GRM3: variants seen among roughly 807,000 people sequenced by gnomAD.
GRM3 encodes the protein glutamate metabotropic receptor 3, also known as metabotropic glutamate receptor 3.
In GRM3, 26 loss-of-function variants were observed where a neutral mutation model predicts 70.5. The observed-to-expected ratio is 0.37, with a 90% CI of 0.27 to 0.51. GRM3 has a LOEUF of 0.51. Among genes scored for constraint, GRM3 ranks in the 20% least tolerant of loss-of-function variants. GRM3 has a pLI of 0.93. For synonymous variants in GRM3, 443 were observed against 434.9 expected (o/e 1.02, Z -0.23); for missense variants, 859 against 1,123.8 (o/e 0.76, Z 3.37).
intron 1 of GRM3, among the ~76,000 whole-genome samples, chr7:86,685,964 A>C (rs1794556901): frequency 6.6e-6 from 1 of 152,036 alleles, no homozygotes; most frequent in African/African-American, 2.4e-5. Context: ...TGGGAATTTA[A>C]TGAGATAATA....
chr7:86,857,253 G>T (rs1165394781), intron 5 of GRM3, among the ~76,000 whole-genome samples: 1 of 151,840 alleles, frequency 6.6e-6, no homozygotes, highest in African/African-American at 2.4e-5. Flanking sequence ...GTCCCATAAT[G>T]ACACTACGTA....
chr7:86,806,302 T>A (rs1455397101), intron 3 of GRM3, among the ~76,000 whole-genome samples: 1 of 152,192 alleles, frequency 6.6e-6, no homozygotes, highest in Non-Finnish European at 1.5e-5. Context: ...TTTCTAGTTC[T>A]AGATCCCTGA....
intron 1 of GRM3, among the ~76,000 whole-genome samples, chr7:86,659,531 C>T (rs1475381562): frequency 6.6e-6 from 1 of 152,074 alleles, no homozygotes; most frequent in Non-Finnish European, 1.5e-5. Context: ...TATATTGCTT[C>T]TCTCAGGAAA....
intron 2 of GRM3, among the ~76,000 whole-genome samples, chr7:86,767,647 C>T (rs1466575746): frequency 2.0e-5 from 3 of 149,840 alleles, no homozygotes; most frequent in Non-Finnish European, 4.4e-5. Context: ...AGTCATTTCA[C>T]GAATTTATAT....
chr7:86,710,163 A>C (rs987328587), intron 1 of GRM3: 4 of 152,104 alleles, frequency 2.6e-5, no homozygotes, highest in African/African-American at 9.7e-5. Flanking sequence ...CTATTGTCTT[A>C]TCTTTTCATT....
At chr7:86,775,857 C>T (rs1479547098) in intron 2 of GRM3, 3 of 152,060 alleles carry the variant, frequency 2.0e-5, no homozygotes, top group African/African-American at 7.2e-5. Flanking sequence ...CTATATGTTA[C>T]CTCTATATGG....
chr7:86,684,552 A>G (rs2237544), intron 1 of GRM3, among the ~76,000 whole-genome samples: 44,644 of 152,064 alleles, frequency 0.29, 8,519 homozygotes, highest in East Asian at 0.72. Flanking sequence ...GTAATCTTCC[A>G]TATCCTTAAT....
intron 1 of GRM3, among the ~76,000 whole-genome samples, chr7:86,718,899 T>C (rs1229348865): frequency 6.6e-6 from 1 of 151,952 alleles, no homozygotes; most frequent in Non-Finnish European, 1.5e-5. Context: ...ATAAATGAGA[T>C]TAAAACTGAA....
intron 1 of GRM3, among the ~76,000 whole-genome samples, chr7:86,666,467 A>G (rs183664892): frequency 6.6e-6 from 1 of 152,196 alleles, no homozygotes; most frequent in Non-Finnish European, 1.5e-5. Flanking sequence ...GTATTTTATC[A>G]ACTAAAAGCT....
At chr7:86,751,086 C>T (rs1796219574) in intron 1 of GRM3, among the ~76,000 whole-genome samples, 1 of 152,006 alleles carries the variant, frequency 6.6e-6, no homozygotes, top group South Asian at 2.1e-4. Context: ...ATCAATTTCC[C>T]CATTGTCTGA....
intron 1 of GRM3, among the ~76,000 whole-genome samples, chr7:86,734,988 T>C (rs1795823020): frequency 6.6e-6 from 1 of 152,234 alleles, no homozygotes; most frequent in African/African-American, 2.4e-5. Context: ...TTAGTAATGG[T>C]CTCACACATT....
In GRM3 at chr7:86,857,109, G is replaced by A. The variant is rs558123741; in HGVS notation, c.2566+6565G>A. On this transcript the variant is annotated intron_variant, in intron 5 of 5. Transcript: ENST00000361669. ...CATAGACTATTCTGACAATGAGAATGTTAGCATCTGCAAATTCAATGGTTT... is the reference window on the plus strand; with the variant it reads ...CATAGACTATTCTGACAATGAGAATATTAGCATCTGCAAATTCAATGGTTT... Among the ~76,000 whole-genome samples, 4 of 150,764 alleles carry A rather than the reference G, an allele frequency of 2.7e-5. No homozygotes were observed. In the South Asian group the frequency reaches 6.3e-4, roughly 24 times the overall value.
At chr7:86,801,053 G>A (rs1797669340) in intron 3 of GRM3, among the ~76,000 whole-genome samples, 2 of 146,292 alleles carry the variant, frequency 1.4e-5, no homozygotes, top group Admixed American at 6.8e-5. Flanking sequence ...TTTTACCACG[G>A]CAAACTTCTT....
chr7:86,802,610 AC>A (rs1435994459), intron 3 of GRM3, among the ~76,000 whole-genome samples: 3 of 151,918 alleles, frequency 2.0e-5, no homozygotes, highest in African/African-American at 4.8e-5. Context: ...AAAAAAAAAA[AC>A]GTAATCAGGC....
intron 1 of GRM3, among the ~76,000 whole-genome samples, chr7:86,764,136 A>C (rs116014862): frequency 0.01 from 1,593 of 152,210 alleles, 24 homozygotes; most frequent in African/African-American, 0.036. Context: ...GTGTGGGTAA[A>C]GCTGTTTAAC....
intron 3 of GRM3, among the ~76,000 whole-genome samples, chr7:86,801,317 C>T (rs1012185236): frequency 5.9e-5 from 9 of 152,072 alleles, no homozygotes; most frequent in Non-Finnish European, 1.3e-4. Flanking sequence ...GATCTGCCCA[C>T]CTCAGCCTCC....
At chr7:86,686,003 CA>C (rs1457572474) in intron 1 of GRM3, among the ~76,000 whole-genome samples, 12 of 151,504 alleles carry the variant, frequency 7.9e-5, no homozygotes, top group Admixed American at 7.9e-4. Flanking sequence ...CCGTATCTGG[CA>C]AATAATGAAT....
chr7:86,682,458 C>A (rs1794463345), intron 1 of GRM3, among the ~76,000 whole-genome samples: 2 of 152,084 alleles, frequency 1.3e-5, no homozygotes, highest in Non-Finnish European at 2.9e-5. Flanking sequence ...CCACTAGATT[C>A]ATGTTAGAGC....
chr7:86,732,129 T>C lies in GRM3; in HGVS notation c.-140-32877T>C, dbSNP rs569528996. ...TGTGAATTATATTCTATATGGACTATCTTTTGCTTATTCAAAATATATGTA... is the reference window on the plus strand; with the variant it reads ...TGTGAATTATATTCTATATGGACTACCTTTTGCTTATTCAAAATATATGTA... On this transcript the variant is annotated intron_variant, in intron 1 of 5. Coordinates refer to ENST00000361669, the MANE Select transcript of GRM3 (RefSeq NM_000840.3). 2.0e-5 allele frequency among the ~76,000 whole-genome samples: 3 copies of C among 152,350 alleles called. No individual in the cohort carries two copies. In the East Asian group the frequency reaches 5.8e-4, roughly 29 times the overall value.
Sources: gnomAD v4.1 joint callset for allele counts (sites outside exome capture counted in the v4.1 genomes callset) on GRCh38, gnomAD v4.1.1 for gene constraint, MANE v1.5 for transcripts, NCBI Gene and HGNC (gene_info 2026-07-23, HGNC 2026-07-21) for gene names.